Variants in MZT2A observed in about 807,000 individuals in gnomAD.
MZT2A encodes the protein mitotic-spindle organizing protein 2A.
Under a neutral mutation model 12.4 loss-of-function variants are expected in MZT2A, and 8 were observed. The ratio of observed to expected loss-of-function variants is 0.64; its 90% confidence interval spans 0.38 to 1.16. The LOEUF (loss-of-function observed/expected upper bound fraction) is 1.16. MZT2A is among the 50% of genes most tolerant of loss of function. The pLI is 0.01. For synonymous variants in MZT2A, 88 were observed against 107.5 expected, an observed-to-expected ratio of 0.82 and a Z score of 1.12; for missense variants, 181 against 223.6, an observed-to-expected ratio of 0.81 and a Z score of 1.22.
In MZT2A at chr2:131,487,614, TTC is replaced by T. The variant is rs796737912; in HGVS notation, c.320-3398_320-3397del. On this transcript the variant is annotated intron_variant, in intron 2 of 2. Coordinates refer to ENST00000309451, the MANE Select transcript of MZT2A (RefSeq NM_001085365.2). Reference sequence around the variant, plus strand: ...TCATAAGATGTTGCATTCACCTTTGTTCTTTTTCTTGTTTCTTTGTAGAAATG... The same window carrying T: ...TCATAAGATGTTGCATTCACCTTTGTTTTTTCTTGTTTCTTTGTAGAAATG... 9.2e-5 allele frequency among the ~76,000 whole-genome samples: 14 copies of T among 152,374 alleles called. 1 individual carries two copies. The highest frequency in any genetic ancestry group is 3.4e-4 in the African/African-American group (14 of 41,576).
At chr2:131,487,580 A>C (rs62178980) in intron 2 of MZT2A, among the ~76,000 whole-genome samples, 32,011 of 151,432 alleles carry the variant, frequency 0.21, 3,190 homozygotes, top group Middle Eastern at 0.31. Context: ...TAGTCAGTAC[A>C]TAAATTATTC....
At chr2:131,492,477 G>T, upstream of MZT2A, 1 of 1,151,646 alleles carries the variant, frequency 8.7e-7, no homozygotes, top group South Asian at 4.0e-5. Context: ...CTCCCGGGCT[G>T]CCCTGGCGGG....
chr2:131,471,958 A>G, intron 3 of MZT2A: 1 of 1,011,366 alleles, frequency 9.9e-7, no homozygotes, highest in Non-Finnish European at 1.3e-6. Flanking sequence ...CAGCAGGGAC[A>G]GTCCATGAGC....
At chr2:131,489,982 C>A in intron 2 of MZT2A, 1 of 976,584 alleles carries the variant, frequency 1.0e-6, no homozygotes, top group African/African-American at 1.7e-5. Flanking sequence ...GTTTCTCCCT[C>A]CTGCTGGACA....
downstream of MZT2A, chr2:131,479,399 C>T (rs561620153): frequency 1.2e-5 from 20 of 1,614,170 alleles, no homozygotes; most frequent in East Asian, 2.5e-4. Context: ...ACGCCAGGGG[C>T]CATTACACCA....
At chr2:131,482,037 C>T (rs1331011060), downstream of MZT2A, among the ~76,000 whole-genome samples, 2 of 152,242 alleles carry the variant, frequency 1.3e-5, no homozygotes, top group African/African-American at 4.8e-5. Context: ...TGGACCACTT[C>T]GACCACTTCC....
At chr2:131,490,923 A>C in intron 2 of MZT2A, 2 of 1,549,666 alleles carry the variant, frequency 1.3e-6, no homozygotes, top group Non-Finnish European at 1.7e-6. Flanking sequence ...CAAAGAGAGC[A>C]GACAGAGCGA....
intron 2 of MZT2A, among the ~76,000 whole-genome samples, chr2:131,477,477 G>A (rs748609443): frequency 3.3e-5 from 5 of 152,102 alleles, no homozygotes; most frequent in African/African-American, 2.4e-5. Context: ...AGGGCAGCCT[G>A]CCAAAAGTGT....
downstream of MZT2A, among the ~76,000 whole-genome samples, chr2:131,479,715 C>T (rs191581755): frequency 1.3e-5 from 2 of 152,278 alleles, no homozygotes; most frequent in Admixed American, 1.3e-4. Flanking sequence ...GGGCACACAC[C>T]TGTACTCCCA....
Position 131,491,982 on chromosome 2 carries a change from G to A in MZT2A, c.213C>T (p.Ala71=), listed in dbSNP as rs764359742. Reference sequence around the variant, plus strand: ...ACATGGACTTGAGCATCTGGAAGACGGCGAGGGGGGCCACGTTCAGCTTCA... The same window carrying A: ...ACATGGACTTGAGCATCTGGAAGACAGCGAGGGGGGCCACGTTCAGCTTCA... The part of the protein sequence containing the change: ...DLLKLNVAPL[A]VFQMLKSMCA... The change falls in exon 2 of 3, where the codon GCC becomes GCT. Residue 71 remains alanine (A), a synonymous_variant. Transcript: ENST00000309451. The A allele has an allele frequency of 9.0e-6, 14 of 1,550,664 alleles. No individual in the cohort carries two copies. The highest frequency in any genetic ancestry group is 1.2e-5 in the Non-Finnish European group (14 of 1,147,458).
At chr2:131,478,416 T>C (rs1678745671) in intron 2 of MZT2A, 1 of 1,579,928 alleles carries the variant, frequency 6.3e-7, no homozygotes, top group Admixed American at 1.7e-5. Context: ...ATGGCAGCTT[T>C]CCTGAGAGGG....
chr2:131,486,144 GTGGTGGGTGA>G (rs1235101816), intron 2 of MZT2A, among the ~76,000 whole-genome samples: 1 of 151,136 alleles, frequency 6.6e-6, no homozygotes, highest in East Asian at 1.9e-4. Context: ...TCAGGAACAC[GTGGTGGGTGA>G]TGATTGGCCA....
At chr2:131,491,781 G>A (rs1370295417) in intron 2 of MZT2A, 95 bp downstream of exon 2, 34 of 1,422,726 alleles carry the variant, frequency 2.4e-5, no homozygotes, top group Non-Finnish European at 2.9e-5. Context: ...AGACAGGCCT[G>A]GCCACTCAGG....
downstream of MZT2A, chr2:131,483,929 TAA>T (rs59953699): frequency 0.017 from 21,692 of 1,266,044 alleles, no homozygotes; most frequent in East Asian, 0.1. Context: ...TGCCTTAATA[TAA>T]AAAAAAAAAA....
intron 2 of MZT2A, chr2:131,489,961 C>A (rs1303965053): frequency 3.1e-6 from 3 of 978,244 alleles, no homozygotes; most frequent in African/African-American, 3.5e-5. Context: ...GTGACAAGAA[C>A]TCTGTTCCCA....
chr2:131,483,879 T>C (rs59965165), downstream of MZT2A: 132,363 of 1,331,556 alleles, frequency 0.099, 10,578 homozygotes, highest in African/African-American at 0.42. Context: ...TAGTTCACTG[T>C]GGCACAACCA....
intron 2 of MZT2A, among the ~76,000 whole-genome samples, chr2:131,472,610 C>G (rs1464898613): frequency 6.6e-6 from 1 of 152,244 alleles, no homozygotes; most frequent in African/African-American, 2.4e-5. Flanking sequence ...CCATATTTTT[C>G]CCGTAGCTTT....
At chr2:131,477,398 G>T (rs1678709939) in intron 2 of MZT2A, among the ~76,000 whole-genome samples, 1 of 152,200 alleles carries the variant, frequency 6.6e-6, no homozygotes, top group African/African-American at 2.4e-5. Context: ...ACGTCTGGGA[G>T]CCATTACAGG....
chr2:131,482,965 C>T, downstream of MZT2A: 4 of 1,495,278 alleles, frequency 2.7e-6, no homozygotes, highest in Non-Finnish European at 3.6e-6. Context: ...CTTAGCTCTG[C>T]CTACAGGAGC....
Sources: gnomAD v4.1 joint callset for allele counts (sites outside exome capture counted in the v4.1 genomes callset) on GRCh38, gnomAD v4.1.1 for gene constraint, MANE v1.5 for transcripts, NCBI Gene and HGNC (gene_info 2026-07-23, HGNC 2026-07-21) for gene names.